Variants in KLRF1 observed in about 807,000 individuals in gnomAD.
KLRF1 encodes the protein killer cell lectin-like receptor subfamily F member 1.
KLRF1 carries 27 observed loss-of-function variants against 30.7 expected under a neutral mutation model. That is an observed-to-expected ratio of 0.88 (90% CI 0.65 to 1.21). KLRF1 has a LOEUF of 1.21. Among genes scored for constraint, KLRF1 ranks in the 50% most tolerant of loss-of-function variants. The probability of loss-of-function intolerance (pLI) is 0.00; values close to 1 mark genes in which losing one functional copy is unlikely to be tolerated. For missense variants in KLRF1, 246 were observed against 259.3 expected (o/e 0.95, Z 0.35); for synonymous variants, 92 against 89.3 (o/e 1.03, Z -0.17).
At chr12:9,835,332 TC>T (rs1407202871) in intron 3 of KLRF1, among the ~76,000 whole-genome samples, 13 of 152,180 alleles carry the variant, frequency 8.5e-5, no homozygotes, top group African/African-American at 2.9e-4. Flanking sequence ...GTACCCAGAC[TC>T]CTGGGGATCC....
the KLRF1 span, among the ~76,000 whole-genome samples, chr12:9,810,681 T>C: frequency 6.6e-6 from 1 of 152,218 alleles, no homozygotes; most frequent in East Asian, 1.9e-4. Context: ...ATATAGGACA[T>C]GCTAACAAGC....
At chr12:9,820,794 A>G in the KLRF1 span, among the ~76,000 whole-genome samples, 1 of 152,166 alleles carries the variant, frequency 6.6e-6, no homozygotes, top group Non-Finnish European at 1.5e-5. Context: ...GGTGCTGCCT[A>G]ATGGCCGTTG....
the KLRF1 span, among the ~76,000 whole-genome samples, chr12:9,818,304 T>C: frequency 2.0e-5 from 3 of 152,202 alleles, no homozygotes; most frequent in African/African-American, 7.2e-5. Context: ...CAGCTCTTCT[T>C]TGTACCTGTC....
At chr12:9,843,875 A>G (rs1243415061) in intron 5 of KLRF1, among the ~76,000 whole-genome samples, 2 of 152,162 alleles carry the variant, frequency 1.3e-5, no homozygotes, top group Non-Finnish European at 2.9e-5. Flanking sequence ...ATCAGAATGT[A>G]TCACTAACAC....
the KLRF1 span, among the ~76,000 whole-genome samples, chr12:9,805,402 T>G: frequency 2.0e-5 from 3 of 151,878 alleles, no homozygotes; most frequent in Non-Finnish European, 4.4e-5. Context: ...GCTAATTCCC[T>G]CCAGCCCTTT....
intron 3 of KLRF1, among the ~76,000 whole-genome samples, chr12:9,833,868 T>C (rs938073210): frequency 2.6e-5 from 4 of 151,528 alleles, no homozygotes; most frequent in Non-Finnish European, 5.9e-5. Context: ...TACAGAATTT[T>C]GAAAACATTA....
chr12:9,814,595 T>TC, the KLRF1 span, among the ~76,000 whole-genome samples: 2 of 152,086 alleles, frequency 1.3e-5, no homozygotes, highest in African/African-American at 4.8e-5. Flanking sequence ...GCCTGGCTGC[T>TC]CGCAAGCCCC....
chr12:9,810,083 A>G, the KLRF1 span, among the ~76,000 whole-genome samples: 1 of 152,310 alleles, frequency 6.6e-6, no homozygotes, highest in East Asian at 1.9e-4. Context: ...GTGAGTGTCA[A>G]CATAGATTTT....
intron 3 of KLRF1, among the ~76,000 whole-genome samples, chr12:9,841,185 A>C (rs756804427): frequency 6.6e-6 from 1 of 152,148 alleles, no homozygotes; most frequent in Non-Finnish European, 1.5e-5. Flanking sequence ...GCTGGAGGCT[A>C]TTATCCTTAG....
At chr12:9,828,566 A>G (rs12810163) in intron 1 of KLRF1, among the ~76,000 whole-genome samples, 43,205 of 152,080 alleles carry the variant, frequency 0.28, 7,351 homozygotes, top group South Asian at 0.41. Context: ...CAGAAATTAA[A>G]GACACAAATA....
intron 3 of KLRF1, among the ~76,000 whole-genome samples, chr12:9,839,829 A>G (rs1867663996): frequency 6.6e-6 from 1 of 152,122 alleles, no homozygotes; most frequent in Non-Finnish European, 1.5e-5. Flanking sequence ...CACATGACCC[A>G]ACATTCAACT....
At position 9,829,892 on chromosome 12, in the gene KLRF1, C is replaced by T. The variant is rs573066883; in HGVS notation, c.85+2263C>T. On this transcript the variant is annotated intron_variant, in intron 1 of 5. Transcript: ENST00000617889. ...TCCAGTGTTTACTTAGCTATTCTCA[C>T]TCTTTTGTTCTTTCAGATAACTTTA... Among the ~76,000 whole-genome samples the T allele has an allele frequency of 4.4e-4, 67 of 152,342 alleles. No individual in the cohort carries two copies. The South Asian group carries it at 0.014, about 31-fold the overall frequency.
the KLRF1 span, among the ~76,000 whole-genome samples, chr12:9,818,643 T>C: frequency 6.6e-6 from 1 of 152,184 alleles, no homozygotes; most frequent in Admixed American, 6.5e-5. Flanking sequence ...AAATCTGCCC[T>C]TAGGTGACTG....
At chr12:9,828,238 C>A (rs1867326301) in intron 1 of KLRF1, among the ~76,000 whole-genome samples, 1 of 151,912 alleles carries the variant, frequency 6.6e-6, no homozygotes, top group African/African-American at 2.4e-5. Context: ...CGCCACCATG[C>A]CTGGCTAATT....
intron 1 of KLRF1, among the ~76,000 whole-genome samples, chr12:9,830,047 T>C (rs1867376084): frequency 6.6e-6 from 1 of 152,218 alleles, no homozygotes; most frequent in Non-Finnish European, 1.5e-5. Context: ...ACACATAGTT[T>C]TCTTATCCAA....
the KLRF1 span, among the ~76,000 whole-genome samples, chr12:9,820,994 G>C: frequency 7.7e-3 from 1,171 of 152,230 alleles, 16 homozygotes; most frequent in African/African-American, 0.025. Flanking sequence ...ACTGGTAGTG[G>C]CTCAGAGTTC....
the KLRF1 span, among the ~76,000 whole-genome samples, chr12:9,804,033 C>G: frequency 6.6e-6 from 1 of 151,766 alleles, no homozygotes; most frequent in African/African-American, 2.4e-5. Context: ...GTGGCTACAC[C>G]ATTTTACATT....
chr12:9,813,864 A>T, the KLRF1 span, among the ~76,000 whole-genome samples: 1 of 151,942 alleles, frequency 6.6e-6, no homozygotes, highest in African/African-American at 2.4e-5. Flanking sequence ...CGAGACTAGG[A>T]TGGGGAGCTG....
chr12:9,826,605 G>T (rs1867287786), upstream of KLRF1, among the ~76,000 whole-genome samples: 1 of 152,076 alleles, frequency 6.6e-6, no homozygotes, highest in South Asian at 2.1e-4. Context: ...CAATAGCAAA[G>T]ACATGCAATC....
Sources: gnomAD v4.1 joint callset for allele counts (sites outside exome capture counted in the v4.1 genomes callset) on GRCh38, gnomAD v4.1.1 for gene constraint, MANE v1.5 for transcripts, NCBI Gene and HGNC (gene_info 2026-07-23, HGNC 2026-07-21) for gene names.